FNDC3A: variants seen among roughly 807,000 people sequenced by gnomAD.
FNDC3A encodes the protein fibronectin type III domain containing 3A, also known as fibronectin type-III domain-containing protein 3A.
FNDC3A carries 32 observed loss-of-function variants against 148.9 expected under a neutral mutation model. The ratio of observed to expected loss-of-function variants is 0.21; its 90% CI spans 0.16 to 0.29. FNDC3A has a LOEUF of 0.29. FNDC3A is among the 10% of genes least tolerant of loss of function. The probability of loss-of-function intolerance (pLI) is 1.00; values close to 1 mark genes in which losing one functional copy is unlikely to be tolerated. For synonymous variants in FNDC3A, 472 were observed against 473.6 expected (o/e 1.00, Z 0.04); for missense variants, 1,191 against 1,452.8 (o/e 0.82, Z 2.93).
chr13:49,115,194 G>GAA (rs1362478864), intron 4 of FNDC3A, among the ~76,000 whole-genome samples: 2 of 10,966 alleles, frequency 1.8e-4, no homozygotes, highest in Non-Finnish European at 3.1e-4. Context: ...GGGGGGGGGG[G>GAA]AAATAAAAAA....
intron 2 of FNDC3A, among the ~76,000 whole-genome samples, chr13:49,013,923 G>T (rs957459207): frequency 2.0e-5 from 3 of 151,674 alleles, no homozygotes; most frequent in Non-Finnish European, 2.9e-5. Flanking sequence ...CAAAGGACAT[G>T]AACTCATCAT....
At chr13:49,094,907 C>T (rs1349219080) in intron 3 of FNDC3A, among the ~76,000 whole-genome samples, 1 of 151,914 alleles carries the variant, frequency 6.6e-6, no homozygotes, top group African/African-American at 2.4e-5. Context: ...AGGATTTCAA[C>T]AAAATTAACT....
intron 12 of FNDC3A, among the ~76,000 whole-genome samples, chr13:49,174,998 T>C (rs1025595738): frequency 6.1e-5 from 9 of 148,044 alleles, no homozygotes; most frequent in African/African-American, 1.5e-4. Context: ...ATTACACAAC[T>C]GAGAACTTAC....
intron 2 of FNDC3A, among the ~76,000 whole-genome samples, chr13:49,033,760 T>C (rs1874296295): frequency 6.6e-6 from 1 of 152,040 alleles, no homozygotes; most frequent in Admixed American, 6.6e-5. Flanking sequence ...TTAAATTTTT[T>C]GTATTTATTG....
At chr13:49,162,433 C>T (rs766000032) in intron 8 of FNDC3A, among the ~76,000 whole-genome samples, 1 of 152,084 alleles carries the variant, frequency 6.6e-6, no homozygotes, top group African/African-American at 2.4e-5. Context: ...TCACGTAGTT[C>T]TCGTGCCATG....
chr13:48,994,738 C>T (rs1418440460), intron 1 of FNDC3A, among the ~76,000 whole-genome samples: 1 of 151,560 alleles, frequency 6.6e-6, no homozygotes, highest in Non-Finnish European at 1.5e-5. Context: ...AGATGTGCCA[C>T]TGCTCTCCAG....
intron 4 of FNDC3A, among the ~76,000 whole-genome samples, chr13:49,128,552 C>T (rs1881842875): frequency 6.6e-6 from 1 of 152,188 alleles, no homozygotes; most frequent in Non-Finnish European, 1.5e-5. Context: ...GACCCTACCA[C>T]ATATCCTCTA....
rs542214551 is a variant in FNDC3A, at chr13:49,113,894, TAAAAG to T, written c.176-759_176-755del. On this transcript the variant is annotated intron_variant, in intron 3 of 25. Transcript: ENST00000492622. Reference sequence around the variant, plus strand: ...ATGCTTCTTTTGTTCCCAGAAATGTTAAAAGAGAAGGTAAACTAGAGATAATAGTT... The same window carrying T: ...ATGCTTCTTTTGTTCCCAGAAATGTTAGAAGGTAAACTAGAGATAATAGTT... 3.5e-3 allele frequency among the ~76,000 whole-genome samples: 529 copies of T among 152,250 alleles called. 4 individuals are homozygous for T. Among genetic ancestry groups the T allele is most frequent in the Non-Finnish European group, 4.8e-3 (328 of 68,010 alleles).
chr13:49,186,877 A>T (rs1220865395), intron 15 of FNDC3A, among the ~76,000 whole-genome samples: 1 of 152,192 alleles, frequency 6.6e-6, no homozygotes, highest in African/African-American at 2.4e-5. Flanking sequence ...AAAAAAAATA[A>T]ATAAAAATAA....
At chr13:49,094,024 G>C (rs1173511051) in intron 3 of FNDC3A, among the ~76,000 whole-genome samples, 1 of 152,048 alleles carries the variant, frequency 6.6e-6, no homozygotes, top group South Asian at 2.1e-4. Context: ...GAACGATACA[G>C]ATTTTATATT....
At chr13:49,143,830 C>A (rs572246291) in intron 7 of FNDC3A, among the ~76,000 whole-genome samples, 2 of 152,090 alleles carry the variant, frequency 1.3e-5, no homozygotes, top group African/African-American at 4.8e-5. Context: ...CCCCACAGAT[C>A]CTGATAAAGC....
chr13:49,096,031 A>T (rs1358557796), intron 3 of FNDC3A, among the ~76,000 whole-genome samples: 1 of 152,108 alleles, frequency 6.6e-6, no homozygotes, highest in Non-Finnish European at 1.5e-5. Context: ...CTTATCTAGG[A>T]TTCATTCTCT....
chr13:49,119,602 C>T (rs555674956), intron 4 of FNDC3A, among the ~76,000 whole-genome samples: 11 of 152,062 alleles, frequency 7.2e-5, no homozygotes, highest in Admixed American at 5.2e-4. Context: ...AAAAAGGTTA[C>T]AGGAATTGCT....
intron 2 of FNDC3A, among the ~76,000 whole-genome samples, chr13:49,041,355 G>A (rs890781729): frequency 2.0e-5 from 3 of 152,022 alleles, no homozygotes; most frequent in Non-Finnish European, 4.4e-5. Context: ...CCATGAAGGC[G>A]GTTAGTTTTG....
chr13:49,183,198 GGGCTTTC>G (rs1885393430), intron 14 of FNDC3A, among the ~76,000 whole-genome samples: 2 of 152,152 alleles, frequency 1.3e-5, no homozygotes, highest in African/African-American at 4.8e-5. Context: ...CTTATGTACA[GGGCTTTC>G]TGTTTTTTCT....
intron 3 of FNDC3A, among the ~76,000 whole-genome samples, chr13:49,102,466 G>C (rs1879923054): frequency 6.6e-6 from 1 of 152,150 alleles, no homozygotes; most frequent in Non-Finnish European, 1.5e-5. Context: ...AAATGTCAGT[G>C]CTTTTTGTGT....
intron 8 of FNDC3A, among the ~76,000 whole-genome samples, chr13:49,159,301 A>T (rs1883934429): frequency 1.3e-5 from 2 of 152,292 alleles, no homozygotes; most frequent in South Asian, 4.1e-4. Context: ...CTCATTGAGC[A>T]GTGGTTTGTA....
At chr13:49,083,819 C>T (rs1878636476) in intron 3 of FNDC3A, among the ~76,000 whole-genome samples, 1 of 152,076 alleles carries the variant, frequency 6.6e-6, no homozygotes, top group Admixed American at 6.5e-5. Flanking sequence ...GTGTTCATAC[C>T]CTGGTTGGGT....
chr13:49,086,595 A>G (rs541037694), intron 3 of FNDC3A, among the ~76,000 whole-genome samples: 100 of 152,180 alleles, frequency 6.6e-4, no homozygotes, highest in Admixed American at 1.2e-3. Context: ...ATTATAAGTA[A>G]CTCAAGTCAA....
Sources: allele counts gnomAD v4.1 joint callset (sites outside exome capture counted in the v4.1 genomes callset), GRCh38; gene constraint gnomAD v4.1.1; transcripts MANE v1.5; gene names NCBI Gene and HGNC (gene_info 2026-07-23, HGNC 2026-07-21).